The following ELP4 variants were observed in gnomAD, a reference collection of about 807,000 sequenced individuals.
ELP4 encodes elongator complex protein 4.
ELP4 carries 51 observed loss-of-function variants against 48.9 expected under a neutral mutation model. The observed-to-expected ratio is 1.04, with a 90% CI of 0.83 to 1.32. The LOEUF (loss-of-function observed/expected upper bound fraction) is 1.32, where lower values mean the gene tolerates loss of function less well. Ranked by LOEUF, ELP4 falls within the 40% of genes most tolerant of loss-of-function variation. The pLI, the probability that ELP4 is intolerant of heterozygous loss-of-function variation, is 0.00. For synonymous variants in ELP4, 210 were observed against 189.2 expected (o/e 1.11, Z -0.90); for missense variants, 519 against 514.6 (o/e 1.01, Z -0.08).
chr11:31,546,666 A>T (rs942246025), intron 3 of ELP4, among the ~76,000 whole-genome samples: 1 of 152,112 alleles, frequency 6.6e-6, no homozygotes, highest in Non-Finnish European at 1.5e-5. Context: ...CTCCACCCCA[A>T]ATCAACAGAA....
rs560095866 is a variant in ELP4, at chr11:31,647,463, G to A, written c.928-278G>A. 2.7e-5 allele frequency: 7 copies of A among 263,266 alleles called. No homozygotes were observed. The East Asian group carries it at 3.3e-4, about 13-fold the overall frequency. The allele number at this position is 263,266 out of a possible 1,614,324, so 16.3% of individuals were successfully genotyped here. ...TACAAGTGAAAAATAATCAATTTATGTTCTCTATCAGAACTAATAAATTTA... is the reference window on the plus strand; with the variant it reads ...TACAAGTGAAAAATAATCAATTTATATTCTCTATCAGAACTAATAAATTTA... On this transcript the variant is annotated intron_variant, in intron 7 of 9. Transcript: ENST00000640961.
At chr11:31,619,039 T>C (rs1184183075) in intron 5 of ELP4, among the ~76,000 whole-genome samples, 2 of 152,050 alleles carry the variant, frequency 1.3e-5, no homozygotes, top group Non-Finnish European at 1.5e-5. Flanking sequence ...AGGAGAGGAT[T>C]GGAGGCACTG....
chr11:31,693,067 TTTA>T (rs1437885424), intron 9 of ELP4, among the ~76,000 whole-genome samples: 1 of 152,162 alleles, frequency 6.6e-6, no homozygotes, highest in Non-Finnish European at 1.5e-5. Context: ...GTGCCCCATG[TTTA>T]TTAGGGAAGG....
rs758809020 is a variant in ELP4 at position 31,632,385 on chromosome 11, A to G, written c.907A>G (p.Met303Val). Reference sequence around the variant, plus strand: ...CTCTCTTTCAGCCTGCATCATCACAATGCCAACACATCTGATCCAGGTACG... The same window carrying G: ...CTCTCTTTCAGCCTGCATCATCACAGTGCCAACACATCTGATCCAGGTACG... ...RTSLSACIIT[M>V]PTHLIQNKAI... is the part of the protein sequence containing the mutation. The change falls in exon 7 of 10, where the codon ATG becomes GTG. Residue 303 changes from methionine (M) to valine (V), a missense_variant. Transcript: ENST00000640961. The G allele has an allele frequency of 6.2e-6, 10 of 1,611,170 alleles. No homozygotes were observed. Among genetic ancestry groups the G allele is most frequent in the Admixed American group, 1.7e-5 (1 of 59,378 alleles).
chr11:31,760,872 C>T (rs928315061), intron 9 of ELP4, among the ~76,000 whole-genome samples: 22 of 152,166 alleles, frequency 1.4e-4, no homozygotes, highest in Non-Finnish European at 2.8e-4. Context: ...CCAAAAATAA[C>T]ATGTACTAAT....
intron 5 of ELP4, among the ~76,000 whole-genome samples, chr11:31,608,079 A>T (rs974922668): frequency 6.6e-6 from 1 of 150,990 alleles, no homozygotes; most frequent in African/African-American, 2.4e-5. Context: ...ATCTGTAGAG[A>T]GTGCCTGGAA....
intron 5 of ELP4, among the ~76,000 whole-genome samples, chr11:31,623,251 T>C (rs1944659014): frequency 6.7e-6 from 1 of 149,490 alleles, no homozygotes; most frequent in Non-Finnish European, 1.5e-5. Context: ...TATCAGTGCC[T>C]ACACTACTAA....
rs1017055069 is a variant in ELP4 at position 31,788,381 on chromosome 11, G to A, written c.*4857G>A. 4.5e-5 allele frequency: 10 copies of A among 223,254 alleles called. No homozygotes were observed. Among genetic ancestry groups the A allele is most frequent in the Non-Finnish European group, 6.3e-5 (7 of 111,888 alleles). 13.8% of individuals were successfully genotyped at this position (223,254 alleles called of 1,614,324 possible). A position where few individuals can be genotyped will look rare whatever the true frequency, so the allele number is the denominator to read the frequency against. The stretch of plus-strand genomic sequence containing the variant: ...CTCCACCCTCCAACCATCCACAACC[G>A]CACAGAAAGCAAGATTCAAATGGGA... On this transcript the variant is annotated 3_prime_UTR_variant, in exon 10 of 10. Coordinates refer to ENST00000640961, the MANE Select transcript of ELP4 (RefSeq NM_019040.5).
At chr11:31,771,284 T>C (rs892632096) in intron 9 of ELP4, among the ~76,000 whole-genome samples, 8 of 152,214 alleles carry the variant, frequency 5.3e-5, no homozygotes, top group African/African-American at 1.9e-4. Context: ...TAATAGCCAG[T>C]ATATACCACC....
intron 9 of ELP4, among the ~76,000 whole-genome samples, chr11:31,668,353 T>C (rs1263682572): frequency 1.3e-5 from 2 of 152,206 alleles, no homozygotes. Flanking sequence ...AAAATTATTA[T>C]ATTCCTCAGA....
intron 9 of ELP4, among the ~76,000 whole-genome samples, chr11:31,721,813 C>T (rs7102816): frequency 0.31 from 46,949 of 151,990 alleles, 8,006 homozygotes; most frequent in African/African-American, 0.46. Flanking sequence ...CTCCACGATA[C>T]GTTTATTTTG....
intron 9 of ELP4, among the ~76,000 whole-genome samples, chr11:31,656,774 G>A (rs1945445054): frequency 6.6e-6 from 1 of 151,984 alleles, no homozygotes; most frequent in African/African-American, 2.4e-5. Flanking sequence ...AGGGGAAAAG[G>A]TCTCTTCTCC....
chr11:31,568,912 C>G (rs908283650), intron 3 of ELP4, among the ~76,000 whole-genome samples: 1 of 151,732 alleles, frequency 6.6e-6, no homozygotes, highest in East Asian at 1.9e-4. Context: ...TGGTGAAACC[C>G]CGTCTCTACT....
At chr11:31,702,198 G>T (rs1259011801) in intron 9 of ELP4, among the ~76,000 whole-genome samples, 1 of 152,080 alleles carries the variant, frequency 6.6e-6, no homozygotes, top group African/African-American at 2.4e-5. Flanking sequence ...AGCTACTCAG[G>T]AGACTGAGGC....
chr11:31,697,994 C>T (rs543244018), intron 9 of ELP4, among the ~76,000 whole-genome samples: 1 of 152,004 alleles, frequency 6.6e-6, no homozygotes, highest in East Asian at 1.9e-4. Flanking sequence ...AAATAATACA[C>T]ATAGCTAGAA....
intron 9 of ELP4, among the ~76,000 whole-genome samples, chr11:31,750,809 C>T (rs1181065698): frequency 1.3e-5 from 2 of 152,038 alleles, no homozygotes; most frequent in Admixed American, 6.6e-5. Context: ...TGTTGTTATT[C>T]CCTGTGATCT....
chr11:31,545,224 T>G (rs952497870), intron 3 of ELP4, among the ~76,000 whole-genome samples: 3 of 152,086 alleles, frequency 2.0e-5, no homozygotes, highest in African/African-American at 7.2e-5. Context: ...GCAAAGAAGT[T>G]AAAAACTTTG....
At position 31,566,505 on chromosome 11, in the gene ELP4, T is replaced by TA. The variant is rs1370542249; in HGVS notation, c.381+26729dup. Among the ~76,000 whole-genome samples the TA allele has an allele frequency of 3.3e-5, 5 of 152,300 alleles. No homozygotes were observed. In the East Asian group the frequency reaches 7.7e-4, roughly 23 times the overall value. On this transcript the variant is annotated intron_variant, in intron 3 of 9. Coordinates refer to ENST00000640961, the MANE Select transcript of ELP4 (RefSeq NM_019040.5). ...TCAAATTTTTGGCTAAAAGAATGGT[T>TA]AAAAAAATATTGAAGAGTTACCAGG...
chr11:31,789,494 T>C lies in ELP4; in HGVS notation c.*5970T>C, dbSNP rs2134360726. 1.8e-6 allele frequency: 1 copy of C among 563,326 alleles called. No homozygotes were observed. The highest frequency in any genetic ancestry group is 3.1e-6 in the Non-Finnish European group (1 of 321,436). 34.9% of individuals were successfully genotyped at this position (563,326 alleles called of 1,614,324 possible). ...ACTTGGAACATCAGTCCATAAACTA[T>C]GAACAGATGGGTAGAAGTATTCGAT... On this transcript the variant is annotated 3_prime_UTR_variant, in exon 10 of 10. Transcript: ENST00000640961.
Sources: gnomAD v4.1 joint callset for allele counts (sites outside exome capture counted in the v4.1 genomes callset) on GRCh38, gnomAD v4.1.1 for gene constraint, MANE v1.5 for transcripts, NCBI Gene and HGNC (gene_info 2026-07-23, HGNC 2026-07-21) for gene names.